The following EPHB2 variants were observed in gnomAD, a reference collection of about 807,000 sequenced individuals.
The protein encoded by EPHB2 is EPH receptor B2.
A neutral mutation model predicts 96.4 loss-of-function variants in EPHB2; 18 were observed. The observed-to-expected ratio is 0.19, with a 90% CI of 0.13 to 0.28. The LOEUF (loss-of-function observed/expected upper bound fraction) is 0.28. Ranked by LOEUF, EPHB2 falls within the 10% of genes least tolerant of loss-of-function variation. The pLI, the probability that EPHB2 is intolerant of heterozygous loss-of-function variation, is 1.00. For synonymous variants in EPHB2, 506 were observed against 534.1 expected (o/e 0.95, Z 0.72); for missense variants, 989 against 1,355.4 (o/e 0.73, Z 4.25).
At chr1:22,901,116 G>T (rs1052683507) in intron 9 of EPHB2, among the ~76,000 whole-genome samples, 2 of 152,204 alleles carry the variant, frequency 1.3e-5, no homozygotes, top group African/African-American at 4.8e-5. Flanking sequence ...GAATTGTGAG[G>T]ATTAAATGAA....
chr1:22,811,942 G>A (rs1320643586), intron 3 of EPHB2, among the ~76,000 whole-genome samples: 2 of 152,242 alleles, frequency 1.3e-5, no homozygotes, highest in Non-Finnish European at 2.9e-5. Context: ...AGGAGGCTGA[G>A]GTAGGTGGAT....
At chr1:22,907,043 G>T in intron 11 of EPHB2, 86 bp downstream of exon 11, 2 of 1,484,510 alleles carry the variant, frequency 1.3e-6, no homozygotes, top group Non-Finnish European at 1.8e-6. Flanking sequence ...AGAGCCTGAA[G>T]GGGTCTTGGA....
At chr1:22,822,507 G>A (rs1482942837) in intron 3 of EPHB2, among the ~76,000 whole-genome samples, 1 of 152,236 alleles carries the variant, frequency 6.6e-6, no homozygotes, top group Non-Finnish European at 1.5e-5. Context: ...TGGCAGAGGT[G>A]TGATTTGAAG....
At chr1:22,759,467 G>A (rs541857016) in intron 1 of EPHB2, among the ~76,000 whole-genome samples, 2 of 152,294 alleles carry the variant, frequency 1.3e-5, no homozygotes, top group South Asian at 2.1e-4. Context: ...TGCCCCAAGG[G>A]ATGGTGGGAT....
At chr1:22,905,959 T>C (rs1023361614) in intron 9 of EPHB2, 28 bp from the exon 10 acceptor site, 2 of 1,614,146 alleles carry the variant, frequency 1.2e-6, no homozygotes, top group South Asian at 1.1e-5. Flanking sequence ...AGTCAGTCCA[T>C]ATGACAGAGC....
intron 1 of EPHB2, among the ~76,000 whole-genome samples, chr1:22,753,152 T>C (rs1410064584): frequency 1.3e-5 from 2 of 152,134 alleles, no homozygotes; most frequent in African/African-American, 4.8e-5. Context: ...GTTTAGGCAT[T>C]GTGGTATGGA....
In EPHB2 at chr1:22,760,182, A is replaced by G. The variant is rs150540930; in HGVS notation, c.62-21239A>G. 1.1e-3 allele frequency among the ~76,000 whole-genome samples: 160 copies of G among 152,188 alleles called. 1 individual carries two copies. The highest frequency in any genetic ancestry group is 3.7e-3 in the African/African-American group (152 of 41,506). On this transcript the variant is annotated intron_variant, in intron 1 of 15. Coordinates refer to ENST00000374630, the MANE Select transcript of EPHB2 (RefSeq NM_017449.5). ...ACTCAGTCTTGCCCCCCAAGACCCC[A>G]CAGTTTGGTGGAGGTGGGGCACTCA...
chr1:22,908,481 C>T (rs1639989193), intron 12 of EPHB2, among the ~76,000 whole-genome samples: 1 of 152,196 alleles, frequency 6.6e-6, no homozygotes, highest in Non-Finnish European at 1.5e-5. Flanking sequence ...TTGTCAGATG[C>T]CATGTTCTCA....
At chr1:22,792,598 CATCT>C (rs1414196239) in intron 3 of EPHB2, among the ~76,000 whole-genome samples, 4 of 152,186 alleles carry the variant, frequency 2.6e-5, no homozygotes, top group Admixed American at 1.3e-4. Context: ...TCCATCCATC[CATCT>C]GTCCATGATA....
intron 1 of EPHB2, among the ~76,000 whole-genome samples, chr1:22,760,047 C>G (rs1644213241): frequency 6.6e-6 from 1 of 152,120 alleles, no homozygotes; most frequent in South Asian, 2.1e-4. Context: ...CTATAGAGGC[C>G]AAACCTCTGA....
At chr1:22,804,363 A>AC (rs1157349131) in intron 3 of EPHB2, among the ~76,000 whole-genome samples, 1 of 151,694 alleles carries the variant, frequency 6.6e-6, no homozygotes, top group Non-Finnish European at 1.5e-5. Flanking sequence ...AATCTGCACC[A>AC]CCCCCCATCC....
At chr1:22,827,967 G>A (rs1158267557) in intron 3 of EPHB2, among the ~76,000 whole-genome samples, 1 of 152,218 alleles carries the variant, frequency 6.6e-6, no homozygotes, top group Non-Finnish European at 1.5e-5. Flanking sequence ...GGCTATAAAC[G>A]TGAGCACTCA....
intron 6 of EPHB2, among the ~76,000 whole-genome samples, chr1:22,883,800 A>G (rs1639128972): frequency 6.6e-6 from 1 of 152,106 alleles, no homozygotes; most frequent in South Asian, 2.1e-4. Context: ...TCCCCTAGGC[A>G]GTGCATTCCA....
intron 1 of EPHB2, among the ~76,000 whole-genome samples, chr1:22,712,662 A>C (rs1643185325): frequency 6.6e-6 from 1 of 152,140 alleles, no homozygotes; most frequent in African/African-American, 2.4e-5. Flanking sequence ...TTGGCGGCTG[A>C]CTGCGGTTTC....
chr1:22,834,585 A>C (rs1645352572), intron 3 of EPHB2, among the ~76,000 whole-genome samples: 1 of 152,146 alleles, frequency 6.6e-6, no homozygotes, highest in South Asian at 2.1e-4. Flanking sequence ...GCAACATGTA[A>C]ACAAATGAGC....
At position 22,875,006 on chromosome 1, in the gene EPHB2, A is replaced by G. The variant is rs1638792074; in HGVS notation, c.1304-7353A>G. ...AAACACATGTGCAGTGTGAGTCTCC[A>G]CAAGCAGACGGGCTACAACTCTGCG... is the stretch of plus-strand genomic sequence containing the variant. On this transcript the variant is annotated intron_variant, in intron 5 of 15. Coordinates refer to ENST00000374630, the MANE Select transcript of EPHB2 (RefSeq NM_017449.5). The surrounding 1 kb of genome is among the most constrained non-coding windows in gnomAD (Gnocchi z 4.2). Among the ~76,000 whole-genome samples the G allele has an allele frequency of 6.6e-6, 1 of 152,140 alleles. No individual in the cohort carries two copies.
intron 6 of EPHB2, among the ~76,000 whole-genome samples, chr1:22,892,534 G>A (rs1237938747): frequency 1.3e-5 from 2 of 152,170 alleles, no homozygotes; most frequent in Non-Finnish European, 2.9e-5. Context: ...GTTACCCAGT[G>A]CAAGTTCCTC....
intron 1 of EPHB2, among the ~76,000 whole-genome samples, chr1:22,711,417 G>C (rs1245824531): frequency 2.0e-5 from 3 of 147,690 alleles, no homozygotes; most frequent in African/African-American, 7.4e-5. Flanking sequence ...GGGCCCGGCC[G>C]TGGCGGGGGG....
In EPHB2 at chr1:22,875,956, A is replaced by T. The variant is rs1171271750; in HGVS notation, c.1304-6403A>T. On this transcript the variant is annotated intron_variant, in intron 5 of 15. Coordinates refer to ENST00000374630, the MANE Select transcript of EPHB2 (RefSeq NM_017449.5). The surrounding 1 kb of genome is among the most constrained non-coding windows in gnomAD (Gnocchi z 4.2). The stretch of plus-strand genomic sequence containing the variant: ...GAAACACCATAGGGCCAAGGCCCTG[A>T]GGCAGAACAGAAAGGCTGCCAGTGT... 2.0e-5 allele frequency among the ~76,000 whole-genome samples: 3 copies of T among 152,116 alleles called. No individual in the cohort carries two copies. In the East Asian group the frequency reaches 5.8e-4, roughly 29 times the overall value.
Sources: allele counts gnomAD v4.1 joint callset (sites outside exome capture counted in the v4.1 genomes callset), GRCh38; gene constraint gnomAD v4.1.1; non-coding constraint Gnocchi (gnomAD v3.1); transcripts MANE v1.5; gene names NCBI Gene and HGNC (gene_info 2026-07-23, HGNC 2026-07-21).